Variants in CEP112 observed in about 807,000 individuals in gnomAD.
The protein encoded by CEP112 is centrosomal protein 112.
In CEP112, 127 loss-of-function variants were observed where a neutral mutation model predicts 153.0. That is an observed-to-expected ratio of 0.83 (90% CI 0.72 to 0.96). The LOEUF (loss-of-function observed/expected upper bound fraction) is 0.96, where lower values mean the gene tolerates loss of function less well. CEP112 is among the 40% of genes least tolerant of loss of function. The probability of loss-of-function intolerance (pLI) is 0.00; values close to 1 mark genes in which losing one functional copy is unlikely to be tolerated. For missense variants in CEP112, 1,089 were observed against 1,101.2 expected (o/e 0.99, Z 0.16); for synonymous variants, 358 against 374.4 (o/e 0.96, Z 0.51).
intron 24 of CEP112, among the ~76,000 whole-genome samples, chr17:65,679,616 C>G (rs1166087820): frequency 1.3e-5 from 2 of 152,248 alleles, no homozygotes; most frequent in East Asian, 3.9e-4. Flanking sequence ...TTCTTTTTAA[C>G]AATTGTCACA....
At position 66,027,518 on chromosome 17, in the gene CEP112, GTTTTAAATGACT is replaced by G; in HGVS notation, c.1627_1638del (p.Ser543_Lys546del). On this transcript the variant is annotated inframe_deletion, in exon 16 of 27. Transcript: ENST00000535342. The stretch of plus-strand genomic sequence containing the variant: ...CATATTACCTTTTTTTCATAGATGT[GTTTTAAATGACT>G]TTTCTCCATCTGAAACTTATTTTCT... 7.5e-7 allele frequency: 1 copy of G among 1,332,426 alleles called. No individual in the cohort carries two copies. The highest frequency in any genetic ancestry group is 1.0e-6 in the Non-Finnish European group (1 of 998,212). The allele number at this position is 1,332,426 out of a possible 1,614,324, so 82.5% of individuals were successfully genotyped here. A position where few individuals can be genotyped will look rare whatever the true frequency, so the allele number is the denominator to read the frequency against.
rs560414025 is a variant in CEP112, at chr17:65,865,670, A to C, written c.2164-13636T>G. 6.1e-4 allele frequency among the ~76,000 whole-genome samples: 93 copies of C among 152,290 alleles called. 2 individuals carry two copies. The highest frequency in any genetic ancestry group is 4.6e-3 in the South Asian group (22 of 4,818). ...GACTCCTGAAGCCGGTCCCAAGAGC[A>C]TCAGGTTTGCTTGGGCAGGGTTGGC... is the stretch of plus-strand genomic sequence containing the variant. On this transcript the variant is annotated intron_variant, in intron 20 of 26. Coordinates refer to ENST00000535342, the MANE Select transcript of CEP112 (RefSeq NM_001199165.4).
intron 21 of CEP112, among the ~76,000 whole-genome samples, chr17:65,841,759 TGATA>T (rs1167782080): frequency 3.9e-5 from 6 of 152,180 alleles, no homozygotes; most frequent in Admixed American, 1.3e-4. Context: ...CACATACATC[TGATA>T]AATATGTACA....
At chr17:66,060,579 G>A (rs1187757996) in intron 11 of CEP112, among the ~76,000 whole-genome samples, 1 of 152,024 alleles carries the variant, frequency 6.6e-6, no homozygotes, top group Non-Finnish European at 1.5e-5. Context: ...AAAACAGCAT[G>A]AAGCACCCAG....
chr17:66,117,417 A>T (rs1240965439), intron 6 of CEP112, among the ~76,000 whole-genome samples: 2 of 150,608 alleles, frequency 1.3e-5, no homozygotes, highest in Non-Finnish European at 3.0e-5. Context: ...CACAAGACCA[A>T]AAAAAAAATA....
chr17:65,950,694 C>CACTACTATTATTATTATT (rs1555727444), intron 18 of CEP112, among the ~76,000 whole-genome samples: 44 of 58,022 alleles, frequency 7.6e-4, no homozygotes, highest in Admixed American at 3.2e-3. Context: ...ATTCTGGATA[C>CACTACTATTATTATTATT]ATTACTAGTA....
chr17:65,674,691 A>T (rs1352065891), intron 24 of CEP112, among the ~76,000 whole-genome samples: 2 of 152,242 alleles, frequency 1.3e-5, no homozygotes, highest in Non-Finnish European at 2.9e-5. Flanking sequence ...AAGGCTATTC[A>T]AGATTACAAG....
intron 5 of CEP112, among the ~76,000 whole-genome samples, chr17:66,130,571 C>G (rs1453703004): frequency 6.6e-6 from 1 of 151,964 alleles, no homozygotes; most frequent in Non-Finnish European, 1.5e-5. Flanking sequence ...GTCAGGAGAT[C>G]AAGACCATCC....
chr17:66,121,475 G>A (rs533746954), intron 6 of CEP112, among the ~76,000 whole-genome samples: 14 of 152,108 alleles, frequency 9.2e-5, no homozygotes, highest in South Asian at 2.1e-4. Flanking sequence ...TCTGGTACCC[G>A]CATTACACAT....
intron 24 of CEP112, chr17:65,688,187 A>T (rs983112413): frequency 6.6e-6 from 1 of 152,268 alleles, no homozygotes; most frequent in Non-Finnish European, 1.5e-5. Context: ...TATTTTGAAA[A>T]GAATGGAAAG....
At chr17:65,662,485 A>C (rs1390498575) in intron 24 of CEP112, among the ~76,000 whole-genome samples, 2 of 152,216 alleles carry the variant, frequency 1.3e-5, no homozygotes, top group Non-Finnish European at 1.5e-5. Flanking sequence ...TCAAACCAAA[A>C]AAGGTCAAAT....
At chr17:65,971,033 T>G (rs533033948) in intron 17 of CEP112, among the ~76,000 whole-genome samples, 2 of 152,226 alleles carry the variant, frequency 1.3e-5, no homozygotes, top group Admixed American at 1.3e-4. Flanking sequence ...TGGAAATTTT[T>G]AAGAGGCTTG....
At chr17:65,700,008 G>A (rs1274367372) in intron 23 of CEP112, among the ~76,000 whole-genome samples, 3 of 152,014 alleles carry the variant, frequency 2.0e-5, no homozygotes, top group African/African-American at 7.2e-5. Context: ...GGCACTATTA[G>A]AACACTCTAC....
At position 65,689,168 on chromosome 17, in the gene CEP112, C is replaced by G; in HGVS notation, c.2658G>C (p.Glu886Asp). 1 of 1,613,790 alleles carries G rather than the reference C, an allele frequency of 6.2e-7. No homozygotes were observed. Among genetic ancestry groups the G allele is most frequent in the African/African-American group, 1.3e-5 (1 of 75,036 alleles). Residue 886 changes from glutamate (E) to aspartate (D), a missense_variant, in exon 24 of 27, where the codon GAG (glutamate) becomes GAC (aspartate). Glu to Asp is a conservative substitution (Grantham distance 45). Transcript: ENST00000535342. ...ENRSNQVRCAEKKLQHKELES... is the reference protein window; with the variant it reads ...ENRSNQVRCADKKLQHKELES... ...CCAATTCTTTGTGTTGTAATTTTTT[C>G]TCTGCACATCGCACCTGATTAGAAC...
chr17:65,905,785 C>T (rs896202268), intron 19 of CEP112, among the ~76,000 whole-genome samples: 1 of 151,770 alleles, frequency 6.6e-6, no homozygotes, highest in East Asian at 1.9e-4. Flanking sequence ...AAAACAAAAA[C>T]AAAAACAAAA....
At chr17:65,704,579 T>C (rs1259140190) in intron 23 of CEP112, among the ~76,000 whole-genome samples, 3 of 152,230 alleles carry the variant, frequency 2.0e-5, no homozygotes, top group South Asian at 4.1e-4. Context: ...TATTGATCTA[T>C]CGGTATTTTC....
chr17:65,911,802 G>C (rs1598982372), intron 19 of CEP112, among the ~76,000 whole-genome samples: 1 of 152,158 alleles, frequency 6.6e-6, no homozygotes, highest in Non-Finnish European at 1.5e-5. Flanking sequence ...AATTGTTTTT[G>C]TCTATATATC....
chr17:65,687,157 T>C (rs1213982552), intron 24 of CEP112, among the ~76,000 whole-genome samples: 1 of 139,968 alleles, frequency 7.1e-6, no homozygotes, highest in Non-Finnish European at 1.5e-5. Context: ...ATAGTTATTA[T>C]TAATTTTTTT....
intron 24 of CEP112, among the ~76,000 whole-genome samples, chr17:65,674,349 G>C (rs962093448): frequency 1.3e-5 from 2 of 152,202 alleles, no homozygotes; most frequent in African/African-American, 4.8e-5. Flanking sequence ...GAATTATGGG[G>C]TCAAGATCCT....
Sources: allele counts gnomAD v4.1 joint callset (sites outside exome capture counted in the v4.1 genomes callset), GRCh38; gene constraint gnomAD v4.1.1; transcripts MANE v1.5; gene names NCBI Gene and HGNC (gene_info 2026-07-23, HGNC 2026-07-21).